The following TPGS1 variants were observed in gnomAD, a reference collection of about 807,000 sequenced individuals.
The protein encoded by TPGS1 is tubulin polyglutamylase complex subunit 1.
A neutral mutation model predicts 11.9 loss-of-function variants in TPGS1; 18 were observed. The ratio of observed to expected loss-of-function variants is 1.51; its 90% CI spans 1.04 to 2.24. The LOEUF is 2.24. TPGS1 is among the 30% of genes most tolerant of loss of function. The probability of loss-of-function intolerance (pLI) is 0.00; values close to 1 mark genes in which losing one functional copy is unlikely to be tolerated. For missense variants in TPGS1, 500 were observed against 443.0 expected (o/e 1.13, Z -1.16); for synonymous variants, 247 against 218.2 (o/e 1.13, Z -1.16).
At position 519,327 on chromosome 19, in the gene TPGS1, C is replaced by T; in HGVS notation, c.777C>T (p.Ala259=). ...GCCTGGCGCTGGCGCTGGACCGCGCCGTCGGGGGGCGGCGGCCCAGCGCGC... is the reference window on the plus strand; with the variant it reads ...GCCTGGCGCTGGCGCTGGACCGCGCTGTCGGGGGGCGGCGGCCCAGCGCGC... ...PDSLALALDR[A]VGGRRPSAPM... The change falls in exon 2 of 2, where the codon GCC becomes GCT. Residue 259 remains alanine (A), a synonymous_variant. Coordinates refer to ENST00000359315, the MANE Select transcript of TPGS1 (RefSeq NM_033513.3). The T allele has an allele frequency of 8.4e-7, 1 of 1,193,274 alleles. No individual in the cohort carries two copies. The highest frequency in any genetic ancestry group is 1.0e-6 in the Non-Finnish European group (1 of 963,192). The allele number at this position is 1,193,274 out of a possible 1,614,324, so 73.9% of individuals were successfully genotyped here. A position where few individuals can be genotyped will look rare whatever the true frequency, so the allele number is the denominator to read the frequency against.
At chr19:510,599 C>T (rs1978765370) in intron 1 of TPGS1, among the ~76,000 whole-genome samples, 1 of 152,190 alleles carries the variant, frequency 6.6e-6, no homozygotes, top group Non-Finnish European at 1.5e-5. Flanking sequence ...CTCCTGCCAC[C>T]TTCCTGGTCG....
At chr19:518,094 G>A in intron 1 of TPGS1, among the ~76,000 whole-genome samples, 1 of 125,480 alleles carries the variant, frequency 8.0e-6, no homozygotes, top group African/African-American at 3.1e-5. Flanking sequence ...TGGGAGGAGG[G>A]AGCCCCGGGC....
rs374944921 is a variant in TPGS1, at chr19:512,382, C to T, written c.338+4538C>T. On this transcript the variant is annotated intron_variant, in intron 1 of 1. Coordinates refer to ENST00000359315, the MANE Select transcript of TPGS1 (RefSeq NM_033513.3). ...CTCACTATGTTGCCCAGGCTGGTTTCGAACTCCTGGACTCAAGCAATCCTC... is the reference window on the plus strand; with the variant it reads ...CTCACTATGTTGCCCAGGCTGGTTTTGAACTCCTGGACTCAAGCAATCCTC... Among the ~76,000 whole-genome samples, 5 of 151,886 alleles carry T rather than the reference C, an allele frequency of 3.3e-5. No homozygotes were observed. In the South Asian group the frequency reaches 6.2e-4, roughly 19 times the overall value.
intron 1 of TPGS1, 30 bp from the exon 2 acceptor site, chr19:518,858 CT>C: frequency 6.7e-7 from 1 of 1,483,620 alleles, no homozygotes; most frequent in South Asian, 1.4e-5. Flanking sequence ...CGCGCGGTCT[CT>C]GCCGGCCCCC....
chr19:519,017 C>A lies in TPGS1; in HGVS notation c.467C>A (p.Ala156Asp). 6.4e-7 allele frequency: 1 copy of A among 1,563,316 alleles called. No individual in the cohort carries two copies. Among genetic ancestry groups the A allele is most frequent in the South Asian group, 1.2e-5 (1 of 86,546 alleles). The change falls in exon 2 of 2, where the codon GCC (alanine) becomes GAC (aspartate). Residue 156 changes from alanine (A) to aspartate (D), a missense_variant. Coordinates refer to ENST00000359315, the MANE Select transcript of TPGS1 (RefSeq NM_033513.3). ...LLRRICRDGQ[A>D]PEEVVAPLLR... The stretch of plus-strand genomic sequence containing the variant: ...AGGCGCATCTGCCGGGACGGCCAAG[C>A]CCCCGAGGAGGTGGTGGCGCCGCTG...
chr19:516,531 T>C (rs1978960440), intron 1 of TPGS1, among the ~76,000 whole-genome samples: 1 of 152,034 alleles, frequency 6.6e-6, no homozygotes, highest in Non-Finnish European at 1.5e-5. Context: ...ACTACAGACG[T>C]GTACCACCAC....
chr19:507,544 C>G lies in TPGS1; in HGVS notation c.38C>G (p.Pro13Arg). 7.7e-6 allele frequency: 11 copies of G among 1,419,990 alleles called. No individual in the cohort carries two copies. The highest frequency in any genetic ancestry group is 1.0e-5 in the Non-Finnish European group (11 of 1,082,916). 88.0% of individuals were successfully genotyped at this position (1,419,990 alleles called of 1,614,324 possible). The change falls in exon 1 of 2, where the codon CCG (proline) becomes CGG (arginine). Residue 13 changes from proline (P) to arginine (R), a missense_variant. Transcript: ENST00000359315. The part of the protein sequence containing the change: ...AVEKRRQAVP[P>R]PAGFTDSGRQ... Reference sequence around the variant, plus strand: ...GAGAAGCGGCGGCAAGCGGTACCACCGCCGGCCGGTTTCACGGACAGCGGC... The same window carrying G: ...GAGAAGCGGCGGCAAGCGGTACCACGGCCGGCCGGTTTCACGGACAGCGGC...
At chr19:509,665 C>G (rs1048994957) in intron 1 of TPGS1, 1 of 152,352 alleles carries the variant, frequency 6.6e-6, no homozygotes, top group Non-Finnish European at 1.5e-5. Context: ...GTTCTGTGTT[C>G]CCTCATAAGG....
chr19:519,464 T>A lies in TPGS1; in HGVS notation c.*41T>A, dbSNP rs1568324369. ...CGGATCCGGGATCTGCGCTGGGGGG[T>A]CCCCGCGTGCGGGGCGCGCGGAGCC... On this transcript the variant is annotated 3_prime_UTR_variant, in exon 2 of 2. Coordinates refer to ENST00000359315, the MANE Select transcript of TPGS1 (RefSeq NM_033513.3). The A allele has an allele frequency of 1.7e-6, 2 of 1,184,464 alleles. No homozygotes were observed. The highest frequency in any genetic ancestry group is 3.2e-5 in the African/African-American group (2 of 61,882). The allele number at this position is 1,184,464 out of a possible 1,614,324, so 73.4% of individuals were successfully genotyped here. A position where few individuals can be genotyped will look rare whatever the true frequency, so the allele number is the denominator to read the frequency against.
intron 1 of TPGS1, among the ~76,000 whole-genome samples, chr19:516,340 G>A (rs1978953755): frequency 6.6e-6 from 1 of 152,024 alleles, no homozygotes; most frequent in Non-Finnish European, 1.5e-5. Context: ...AGTTACAGAG[G>A]CGAGAAACAA....
intron 1 of TPGS1, among the ~76,000 whole-genome samples, chr19:510,664 A>C (rs1175203042): frequency 1.3e-5 from 2 of 152,216 alleles, no homozygotes; most frequent in Non-Finnish European, 2.9e-5. Context: ...GCTGAAGGCC[A>C]CACGGCCACC....
intron 1 of TPGS1, chr19:509,970 C>G (rs1475571135): frequency 6.6e-6 from 1 of 152,352 alleles, no homozygotes; most frequent in African/African-American, 2.4e-5. Context: ...GCATCTGATT[C>G]TGTGCTCATG....
chr19:510,360 G>A lies in TPGS1; in HGVS notation c.338+2516G>A, dbSNP rs949707224. The A allele has an allele frequency of 5.3e-5, 8 of 151,930 alleles. 1 individual carries two copies. In the South Asian group the frequency reaches 6.2e-4, roughly 12 times the overall value. 9.4% of individuals were successfully genotyped at this position (151,930 alleles called of 1,614,324 possible). A position where few individuals can be genotyped will look rare whatever the true frequency, so the allele number is the denominator to read the frequency against. On this transcript the variant is annotated intron_variant, in intron 1 of 1. Transcript: ENST00000359315. ...TGCACTCCAGCCTGGGCGACAGAGCGAGACTCTGTCTCAAAAAAAAAAAAA... is the reference window on the plus strand; with the variant it reads ...TGCACTCCAGCCTGGGCGACAGAGCAAGACTCTGTCTCAAAAAAAAAAAAA...
intron 1 of TPGS1, among the ~76,000 whole-genome samples, chr19:511,094 G>C (rs1348500362): frequency 1.3e-5 from 2 of 152,258 alleles, no homozygotes; most frequent in Non-Finnish European, 2.9e-5. Context: ...AAACCGCTCT[G>C]TGTAGGAGCC....
At chr19:516,378 TTTTC>T (rs1355750861) in intron 1 of TPGS1, among the ~76,000 whole-genome samples, 2 of 144,502 alleles carry the variant, frequency 1.4e-5, no homozygotes, top group Non-Finnish European at 1.5e-5. Flanking sequence ...AGCATTTCTT[TTTTC>T]TTTTTCTTTT....
chr19:516,040 AAAAAAAAGGAAG>A (rs1463470780), intron 1 of TPGS1, among the ~76,000 whole-genome samples: 2 of 150,114 alleles, frequency 1.3e-5, no homozygotes, highest in African/African-American at 2.4e-5. Flanking sequence ...TCAAAAAAAA[AAAAAAAAGGAAG>A]AAAGAAAGAA....
At chr19:511,034 G>A (rs1978779971) in intron 1 of TPGS1, among the ~76,000 whole-genome samples, 1 of 152,264 alleles carries the variant, frequency 6.6e-6, no homozygotes, top group African/African-American at 2.4e-5. Flanking sequence ...TTCTGGAGAC[G>A]TTCCATAAAT....
chr19:517,795 A>C (rs1979004580), intron 1 of TPGS1, among the ~76,000 whole-genome samples: 1 of 65,386 alleles, frequency 1.5e-5, no homozygotes, highest in African/African-American at 6.7e-5. Flanking sequence ...AGGGAGACCC[A>C]GGTTGGGAGG....
At chr19:511,578 GGA>G (rs1978796615) in intron 1 of TPGS1, among the ~76,000 whole-genome samples, 1 of 152,282 alleles carries the variant, frequency 6.6e-6, no homozygotes, top group Non-Finnish European at 1.5e-5. Flanking sequence ...GTGCAGAAAA[GGA>G]GAGTGCACAC....
Sources: allele counts gnomAD v4.1 joint callset (sites outside exome capture counted in the v4.1 genomes callset), GRCh38; gene constraint gnomAD v4.1.1; transcripts MANE v1.5; gene names NCBI Gene and HGNC (gene_info 2026-07-23, HGNC 2026-07-21).